The following COL25A1 variants were observed in gnomAD, a reference collection of about 807,000 sequenced individuals.
The protein encoded by COL25A1 is collagen alpha-1(XXV) chain.
COL25A1 carries 103 observed loss-of-function variants against 128.4 expected under a neutral mutation model. That is an observed-to-expected ratio of 0.80 (90% CI 0.68 to 0.94). The LOEUF (loss-of-function observed/expected upper bound fraction) is 0.94, where lower values mean the gene tolerates loss of function less well. COL25A1 is among the 40% of genes least tolerant of loss of function. COL25A1 has a pLI of 0.00. For synonymous variants in COL25A1, 279 were observed against 277.2 expected (o/e 1.01, Z -0.06); for missense variants, 745 against 840.0 (o/e 0.89, Z 1.40).
intron 3 of COL25A1, among the ~76,000 whole-genome samples, chr4:109,156,125 A>C (rs1397859371): frequency 6.6e-6 from 1 of 152,218 alleles, no homozygotes; most frequent in African/African-American, 2.4e-5. Flanking sequence ...CTCCTGAGAA[A>C]GAATCCCAAT....
chr4:109,130,902 C>T (rs1254563856), intron 3 of COL25A1, among the ~76,000 whole-genome samples: 1 of 151,730 alleles, frequency 6.6e-6, no homozygotes, highest in Non-Finnish European at 1.5e-5. Context: ...AATTCATATA[C>T]CAAAACAGAA....
intron 6 of COL25A1, among the ~76,000 whole-genome samples, chr4:109,000,535 C>T (rs1478406174): frequency 2.0e-5 from 3 of 152,028 alleles, no homozygotes; most frequent in Admixed American, 2.0e-4. Flanking sequence ...CACCTGAGGT[C>T]AGGAGTTTGA....
At chr4:108,924,650 G>A (rs1224883014) in intron 11 of COL25A1, among the ~76,000 whole-genome samples, 2 of 152,088 alleles carry the variant, frequency 1.3e-5, no homozygotes, top group Admixed American at 6.6e-5. Context: ...ACCTAATGAC[G>A]ACCCTACTTT....
At chr4:108,975,632 G>T (rs887717838) in intron 6 of COL25A1, among the ~76,000 whole-genome samples, 1 of 152,136 alleles carries the variant, frequency 6.6e-6, no homozygotes, top group Non-Finnish European at 1.5e-5. Flanking sequence ...CCCCATCAGC[G>T]ATGTATAGAA....
intron 8 of COL25A1, among the ~76,000 whole-genome samples, chr4:108,949,635 G>A (rs1749169539): frequency 2.6e-5 from 4 of 151,868 alleles, no homozygotes; most frequent in Admixed American, 2.6e-4. Context: ...CTGGGTTCAA[G>A]TGATTCTCCT....
At chr4:109,049,496 G>A (rs1463114649) in intron 4 of COL25A1, among the ~76,000 whole-genome samples, 1 of 152,180 alleles carries the variant, frequency 6.6e-6, no homozygotes, top group African/African-American at 2.4e-5. Flanking sequence ...AGGACAATTG[G>A]TTCTGTTTCA....
At position 108,918,177 on chromosome 4, in the gene COL25A1, G is replaced by T. The variant is rs560717604; in HGVS notation, c.775C>A (p.Gln259Lys). ...GAPGIPGMNG[Q>K]KGEPGLPGAV... ...CAATATTCTATAGAACTCACCTTTTGCCCATTCATCCCTGGAATTCCAGGT... is the reference window on the plus strand; with the variant it reads ...CAATATTCTATAGAACTCACCTTTTTCCCATTCATCCCTGGAATTCCAGGT... Residue 259 changes from glutamine (Q) to lysine (K), a missense_variant, in exon 13 of 38, where the codon CAA (glutamine) becomes AAA (lysine). Physicochemically the swap from Gln to Lys is moderately conservative, Grantham distance 53 (BLOSUM62 1). Coordinates refer to ENST00000399132, the MANE Select transcript of COL25A1 (RefSeq NM_198721.4). The T allele has an allele frequency of 1.9e-6, 3 of 1,592,644 alleles. No homozygotes were observed. In the South Asian group the frequency reaches 3.4e-5, roughly 18 times the overall value.
intron 32 of COL25A1, among the ~76,000 whole-genome samples, chr4:108,831,687 G>GGGGA (rs1553944379): frequency 9.1e-4 from 132 of 144,298 alleles, no homozygotes; most frequent in African/African-American, 3.1e-3. Context: ...AGAGAGAGGG[G>GGGGA]GAGAGAGAGA....
chr4:109,283,795 T>TG (rs1706131234), intron 3 of COL25A1, among the ~76,000 whole-genome samples: 1 of 152,220 alleles, frequency 6.6e-6, no homozygotes, highest in Non-Finnish European at 1.5e-5. Context: ...GCCCTACTTC[T>TG]GAAAGTTGAG....
At chr4:109,232,277 C>T (rs7662200) in intron 3 of COL25A1, among the ~76,000 whole-genome samples, 84,559 of 151,936 alleles carry the variant, frequency 0.56, 25,940 homozygotes, top group African/African-American at 0.8. Flanking sequence ...ATTCATCATA[C>T]GAATTGATTT....
chr4:108,969,774 G>A (rs1021253271), intron 8 of COL25A1, among the ~76,000 whole-genome samples: 1 of 150,600 alleles, frequency 6.6e-6, no homozygotes, highest in Non-Finnish European at 1.5e-5. Flanking sequence ...ACTGGACATT[G>A]TCTGTACAGC....
chr4:108,943,742 G>T (rs1748409331), intron 8 of COL25A1, among the ~76,000 whole-genome samples: 1 of 151,386 alleles, frequency 6.6e-6, no homozygotes, highest in South Asian at 2.1e-4. Context: ...TATCAATTGG[G>T]TAAGTCTGAG....
At chr4:108,866,541 T>C (rs1737948905) in intron 20 of COL25A1, among the ~76,000 whole-genome samples, 1 of 152,232 alleles carries the variant, frequency 6.6e-6, no homozygotes, top group African/African-American at 2.4e-5. Flanking sequence ...CAGGCACTAA[T>C]GTAGGTATAA....
At chr4:108,996,336 A>G (rs1754771926) in intron 6 of COL25A1, among the ~76,000 whole-genome samples, 1 of 151,912 alleles carries the variant, frequency 6.6e-6, no homozygotes, top group Admixed American at 6.6e-5. Flanking sequence ...CTGGTCTCTG[A>G]TAAGACAGAC....
intron 13 of COL25A1, among the ~76,000 whole-genome samples, chr4:108,905,103 T>C (rs1743319407): frequency 6.6e-6 from 1 of 152,112 alleles, no homozygotes; most frequent in African/African-American, 2.4e-5. Context: ...TCATCATCAC[T>C]TCAATCACGA....
chr4:108,991,858 A>G (rs1754264589), intron 6 of COL25A1, among the ~76,000 whole-genome samples: 1 of 152,328 alleles, frequency 6.6e-6, no homozygotes. Flanking sequence ...ATATGAATAG[A>G]AAGTTAAATA....
At chr4:108,918,845 G>T (rs1471465734) in intron 12 of COL25A1, among the ~76,000 whole-genome samples, 1 of 152,232 alleles carries the variant, frequency 6.6e-6, no homozygotes, top group Non-Finnish European at 1.5e-5. Context: ...GTAAGCACGT[G>T]TGGGCGTGTG....
At chr4:109,152,971 A>G (rs1445936164) in intron 3 of COL25A1, among the ~76,000 whole-genome samples, 3 of 152,176 alleles carry the variant, frequency 2.0e-5, no homozygotes, top group South Asian at 4.1e-4. Context: ...TGATGGTTGC[A>G]TGACAACCTG....
At chr4:109,013,240 T>G (rs1756837821) in intron 5 of COL25A1, among the ~76,000 whole-genome samples, 1 of 152,078 alleles carries the variant, frequency 6.6e-6, no homozygotes, top group African/African-American at 2.4e-5. Context: ...CAATCAGTGC[T>G]CTGTGTCTAG....
Sources: allele counts gnomAD v4.1 joint callset (sites outside exome capture counted in the v4.1 genomes callset), GRCh38; gene constraint gnomAD v4.1.1; transcripts MANE v1.5; gene names NCBI Gene and HGNC (gene_info 2026-07-23, HGNC 2026-07-21).